The following MYOM1 variants were observed in gnomAD, a reference collection of about 807,000 sequenced individuals.
The protein encoded by MYOM1 is myomesin-1.
Under a neutral mutation model 205.3 loss-of-function variants are expected in MYOM1, and 164 were observed. The ratio of observed to expected loss-of-function variants is 0.80; its 90% CI spans 0.70 to 0.91. MYOM1 has a LOEUF of 0.91. MYOM1 is among the 40% of genes least tolerant of loss of function. The pLI is 0.00. For synonymous variants in MYOM1, 772 were observed against 789.4 expected (o/e 0.98, Z 0.37); for missense variants, 2,011 against 2,127.3 (o/e 0.95, Z 1.08).
At chr18:3,138,558 A>T (rs1192941898) in intron 14 of MYOM1, among the ~76,000 whole-genome samples, 2 of 152,128 alleles carry the variant, frequency 1.3e-5, no homozygotes, top group African/African-American at 4.8e-5. Flanking sequence ...TGATAACATT[A>T]TCTTTTGTGT....
At chr18:3,154,344 A>G (rs971293311) in intron 11 of MYOM1, among the ~76,000 whole-genome samples, 4 of 152,000 alleles carry the variant, frequency 2.6e-5, no homozygotes, top group Non-Finnish European at 5.9e-5. Context: ...GAATTTTTTG[A>G]ATTTGACTAC....
Position 3,179,117 on chromosome 18 carries a change from C to T in MYOM1, c.930-2983G>A, listed in dbSNP as rs1285258432. Among the ~76,000 whole-genome samples the T allele has an allele frequency of 2.0e-5, 3 of 152,102 alleles. No homozygotes were observed. The highest frequency in any genetic ancestry group is 4.4e-5 in the Non-Finnish European group (3 of 68,018). ...CTCCTGGGCTCAAGCAATCCTCCCA[C>T]CTCGGCCTCCCAAAATGCTAGGATT... On this transcript the variant is annotated intron_variant, in intron 5 of 37. Transcript: ENST00000356443. This position sits in a 1 kb window ranked among gnomAD's most constrained non-coding sequence, Gnocchi z 4.4.
chr18:3,135,829 C>T lies in MYOM1; in HGVS notation c.2026-99G>A, dbSNP rs2079950973. On this transcript the variant is annotated intron_variant, in intron 14 of 37. Coordinates refer to ENST00000356443, the MANE Select transcript of MYOM1 (RefSeq NM_003803.4). The surrounding 1 kb of genome is among the most constrained non-coding windows in gnomAD (Gnocchi z 4.1). ...TTTCATTCATCTGCAACAAACCACT[C>T]CCTGTAATGCAAGCTGGACTGGAGG... The T allele has an allele frequency of 1.6e-6, 2 of 1,279,008 alleles. No individual in the cohort carries two copies. Among genetic ancestry groups the T allele is most frequent in the Non-Finnish European group, 2.2e-6 (2 of 909,870 alleles). 79.2% of individuals were successfully genotyped at this position (1,279,008 alleles called of 1,614,324 possible).
chr18:3,094,021 C>A, intron 26 of MYOM1, 149 bp downstream of exon 26: 1 of 720,828 alleles, frequency 1.4e-6, no homozygotes. Flanking sequence ...TCTGTATTTT[C>A]ATTTCACAGT....
intron 17 of MYOM1, among the ~76,000 whole-genome samples, chr18:3,131,027 C>T (rs2079867874): frequency 6.6e-6 from 1 of 152,214 alleles, no homozygotes; most frequent in African/African-American, 2.4e-5. Flanking sequence ...ACAAGATGAT[C>T]TGTGTTATGG....
intron 23 of MYOM1, among the ~76,000 whole-genome samples, chr18:3,101,346 A>G (rs1460593299): frequency 6.6e-6 from 1 of 152,260 alleles, no homozygotes; most frequent in Non-Finnish European, 1.5e-5. Flanking sequence ...ATGAAAATAC[A>G]AAGCTTGGTA....
the MYOM1 span, among the ~76,000 whole-genome samples, chr18:3,238,134 C>G: frequency 6.6e-6 from 1 of 152,170 alleles, no homozygotes; most frequent in Non-Finnish European, 1.5e-5. Flanking sequence ...GGCTTGTTCT[C>G]CTACAACTGG....
chr18:3,142,202 T>C lies in MYOM1; in HGVS notation c.1901-139A>G, dbSNP rs144424048. On this transcript the variant is annotated intron_variant, in intron 13 of 37. Transcript: ENST00000356443. Reference sequence around the variant, plus strand: ...TAAAGAAGTACCTTCTCTCTAAAATTCCCCCAAAACATCATTCATTCATTC... The same window carrying C: ...TAAAGAAGTACCTTCTCTCTAAAATCCCCCCAAAACATCATTCATTCATTC... 6.2e-4 allele frequency: 673 copies of C among 1,081,580 alleles called. 4 individuals carry two copies. The African/African-American group carries it at 9.1e-3, about 15-fold the overall frequency. The allele number at this position is 1,081,580 out of a possible 1,614,324, so 67.0% of individuals were successfully genotyped here.
rs1318912690 is a variant in MYOM1 at position 3,100,435 on chromosome 18, C to T, written c.3576-9G>A. ...TGAAGGTCATTTTCGTCCTTCGGAACAAAATATTTTTCTTAGAAATGAGGC... is the reference window on the plus strand; with the variant it reads ...TGAAGGTCATTTTCGTCCTTCGGAATAAAATATTTTTCTTAGAAATGAGGC... On this transcript the variant is annotated splice_polypyrimidine_tract_variant and intron_variant, in intron 23 of 37. Coordinates refer to ENST00000356443, the MANE Select transcript of MYOM1 (RefSeq NM_003803.4). The T allele has an allele frequency of 6.2e-7, 1 of 1,602,710 alleles. No individual in the cohort carries two copies. Among genetic ancestry groups the T allele is most frequent in the African/African-American group, 1.3e-5 (1 of 74,658 alleles).
intron 23 of MYOM1, among the ~76,000 whole-genome samples, chr18:3,101,125 T>C (rs1598670207): frequency 6.6e-6 from 1 of 152,190 alleles, no homozygotes; most frequent in African/African-American, 2.4e-5. Context: ...TTGGGGCAAA[T>C]GTGTTTTATG....
chr18:3,182,829 C>CA (rs1156566910), intron 5 of MYOM1, among the ~76,000 whole-genome samples: 1 of 151,070 alleles, frequency 6.6e-6, no homozygotes, highest in Non-Finnish European at 1.5e-5. Flanking sequence ...ATTTTCCCTT[C>CA]TATGTCGACA....
At position 3,168,644 on chromosome 18, in the gene MYOM1, A is replaced by G. The variant is rs555044524; in HGVS notation, c.1339+173T>C. On this transcript the variant is annotated intron_variant, in intron 9 of 37. Coordinates refer to ENST00000356443, the MANE Select transcript of MYOM1 (RefSeq NM_003803.4). Reference sequence around the variant, plus strand: ...TCTTACTTGTTAAAAGGAAAATATCATCTCCACAAATATGAAAGTGTTGCT... The same window carrying G: ...TCTTACTTGTTAAAAGGAAAATATCGTCTCCACAAATATGAAAGTGTTGCT... Among the ~76,000 whole-genome samples the G allele has an allele frequency of 1.5e-3, 235 of 152,348 alleles. 1 individual carries two copies. Among genetic ancestry groups the G allele is most frequent in the Admixed American group, 4.4e-3 (67 of 15,300 alleles).
At chr18:3,245,002 G>T in the MYOM1 span, among the ~76,000 whole-genome samples, 1 of 150,696 alleles carries the variant, frequency 6.6e-6, no homozygotes, top group Non-Finnish European at 1.5e-5. Context: ...TGCCACATGA[G>T]AACACAGGGA....
rs1443016803 is a variant in MYOM1 at position 3,211,726 on chromosome 18, T to TA, written c.290+3207dup. On this transcript the variant is annotated intron_variant, in intron 2 of 37. Transcript: ENST00000356443. ...AGCTCGTGGCTCAGAACACAATTGG[T>TA]AACTGATCTGTACTGCAAGCGCACT... Among the ~76,000 whole-genome samples, 4 of 152,230 alleles carry TA rather than the reference T, an allele frequency of 2.6e-5. No individual in the cohort carries two copies. The East Asian group carries it at 5.8e-4, about 22-fold the overall frequency.
intron 22 of MYOM1, among the ~76,000 whole-genome samples, chr18:3,104,745 CTTTTTTTTTTTT>C (rs745369627): frequency 6.2e-5 from 5 of 80,586 alleles, no homozygotes; most frequent in South Asian, 5.3e-4. Flanking sequence ...GAATTGGAAT[CTTTTTTTTTTTT>C]TTTTTTTTTT....
At chr18:3,124,132 C>T (rs1019340676) in intron 19 of MYOM1, among the ~76,000 whole-genome samples, 4 of 151,234 alleles carry the variant, frequency 2.6e-5, no homozygotes, top group Non-Finnish European at 4.4e-5. Context: ...CCACCATGCC[C>T]GGCCTATAAA....
At chr18:3,071,386 T>C (rs1243513119) in intron 37 of MYOM1, among the ~76,000 whole-genome samples, 1 of 147,486 alleles carries the variant, frequency 6.8e-6, no homozygotes, top group East Asian at 2.2e-4. Context: ...TGAGATGGAG[T>C]CTCACTCTGT....
At chr18:3,168,054 T>C (rs1053762785) in intron 9 of MYOM1, among the ~76,000 whole-genome samples, 1 of 152,238 alleles carries the variant, frequency 6.6e-6, no homozygotes, top group Non-Finnish European at 1.5e-5. Context: ...AGAACTTGGA[T>C]ATATTGCATG....
chr18:3,088,086 A>T (rs1440337125), intron 29 of MYOM1, among the ~76,000 whole-genome samples: 2 of 152,174 alleles, frequency 1.3e-5, no homozygotes, highest in South Asian at 2.1e-4. Flanking sequence ...GAACTGTGTG[A>T]ATATTCACAA....
Sources: allele counts gnomAD v4.1 joint callset (sites outside exome capture counted in the v4.1 genomes callset), GRCh38; gene constraint gnomAD v4.1.1; non-coding constraint Gnocchi (gnomAD v3.1); transcripts MANE v1.5; gene names NCBI Gene and HGNC (gene_info 2026-07-23, HGNC 2026-07-21).